MTUS2: variants seen among roughly 807,000 people sequenced by gnomAD.
The protein encoded by MTUS2 is microtubule associated scaffold protein 2.
Under a neutral mutation model 114.1 loss-of-function variants are expected in MTUS2, and 40 were observed. That is an observed-to-expected ratio of 0.35 (90% CI 0.27 to 0.46). The LOEUF (loss-of-function observed/expected upper bound fraction) is 0.46, where lower values mean the gene tolerates loss of function less well. Ranked by LOEUF, MTUS2 falls within the 20% of genes least tolerant of loss-of-function variation. The pLI, the probability that MTUS2 is intolerant of heterozygous loss-of-function variation, is 1.00. For missense variants in MTUS2, 1,679 were observed against 1,705.4 expected (o/e 0.98, Z 0.27); for synonymous variants, 688 against 672.0 (o/e 1.02, Z -0.37).
At chr13:28,992,152 C>T (rs1293131753) in intron 2 of MTUS2, among the ~76,000 whole-genome samples, 4 of 152,168 alleles carry the variant, frequency 2.6e-5, no homozygotes, top group African/African-American at 4.8e-5. Flanking sequence ...CTTTTTTTCC[C>T]CTCCATGGGC....
chr13:28,855,152 T>C (rs551189426), intron 2 of MTUS2, among the ~76,000 whole-genome samples: 1 of 152,350 alleles, frequency 6.6e-6, no homozygotes, highest in East Asian at 1.9e-4. Context: ...TTTTTATTGA[T>C]ATGCCGATAC....
At chr13:29,383,520 A>G (rs560188565) in intron 8 of MTUS2, among the ~76,000 whole-genome samples, 64 of 152,238 alleles carry the variant, frequency 4.2e-4, no homozygotes, top group African/African-American at 1.4e-3. Context: ...CTCTTTTCAA[A>G]TTTTGTTTCA....
chr13:29,375,271 C>T (rs67202568), intron 8 of MTUS2, among the ~76,000 whole-genome samples: 13,697 of 57,510 alleles, frequency 0.24, 1,414 homozygotes, highest in South Asian at 0.3. Flanking sequence ...ACATAACAGA[C>T]AATTTAAAAA....
chr13:29,011,207 A>G (rs912136200), intron 2 of MTUS2, among the ~76,000 whole-genome samples: 5 of 152,206 alleles, frequency 3.3e-5, no homozygotes, highest in Admixed American at 1.3e-4. Context: ...AGCGATTTTT[A>G]TATATTTAAA....
chr13:29,232,657 A>G (rs184439092), intron 5 of MTUS2, among the ~76,000 whole-genome samples: 5 of 152,326 alleles, frequency 3.3e-5, no homozygotes, highest in East Asian at 3.9e-4. Flanking sequence ...GGGTAGTTCT[A>G]TCTACCTTTT....
chr13:28,829,713 T>C (rs1173628599), intron 1 of MTUS2, among the ~76,000 whole-genome samples: 3 of 152,156 alleles, frequency 2.0e-5, no homozygotes, highest in Admixed American at 2.0e-4. Flanking sequence ...TGGAAAACAA[T>C]CAGCAGTAAT....
chr13:29,158,358 C>CCCCTTTT, intron 5 of MTUS2, among the ~76,000 whole-genome samples: 2 of 32,048 alleles, frequency 6.2e-5, no homozygotes, highest in Non-Finnish European at 1.0e-4. Context: ...GTCCACCCCG[C>CCCCTTTT]TTTTTTTTTT....
intron 4 of MTUS2, among the ~76,000 whole-genome samples, chr13:29,091,352 G>A (rs151180541): frequency 6.6e-6 from 1 of 152,110 alleles, no homozygotes; most frequent in African/African-American, 2.4e-5. Context: ...GGTGCCATGG[G>A]TGTTTTTCTC....
chr13:29,085,557 G>T (rs917804479), intron 4 of MTUS2, among the ~76,000 whole-genome samples: 1 of 152,168 alleles, frequency 6.6e-6, no homozygotes, highest in Non-Finnish European at 1.5e-5. Context: ...CTGTCCCTGT[G>T]TTAATTTGCT....
chr13:28,820,076 C>G (rs1413687916), upstream of MTUS2, among the ~76,000 whole-genome samples: 8 of 147,076 alleles, frequency 5.4e-5, no homozygotes, highest in Non-Finnish European at 1.1e-4. Flanking sequence ...ACCTCGCGGG[C>G]GAGGCGCGCC....
chr13:28,924,165 G>T lies in MTUS2; in HGVS notation c.-243+84315G>T, dbSNP rs191627634. On this transcript the variant is annotated intron_variant, in intron 2 of 15. Coordinates refer to ENST00000612955, the MANE Select transcript of MTUS2 (RefSeq NM_001033602.4). ...GTTGCTTTCTGCTTTTGGGAGGGGG[G>T]TCCTAAGCCACCGTGCTGCTTATAC... Among the ~76,000 whole-genome samples the T allele has an allele frequency of 9.9e-5, 15 of 152,178 alleles. No homozygotes were observed. In the East Asian group the frequency reaches 2.5e-3, roughly 26 times the overall value.
intron 6 of MTUS2, among the ~76,000 whole-genome samples, chr13:29,308,052 T>C (rs575950313): frequency 1.3e-5 from 2 of 152,256 alleles, no homozygotes; most frequent in East Asian, 3.9e-4. Flanking sequence ...AAACTACCAT[T>C]GACATTCTTC....
chr13:28,900,009 T>G (rs1030464922), intron 2 of MTUS2, among the ~76,000 whole-genome samples: 1 of 152,056 alleles, frequency 6.6e-6, no homozygotes, highest in African/African-American at 2.4e-5. Context: ...TGCCTCAGCC[T>G]CCCAAGTAGC....
chr13:29,111,712 G>A (rs1055401794), intron 5 of MTUS2, among the ~76,000 whole-genome samples: 1 of 151,948 alleles, frequency 6.6e-6, no homozygotes, highest in Non-Finnish European at 1.5e-5. Flanking sequence ...GGGAAGGTTC[G>A]CAAAAACCCT....
At chr13:28,961,767 G>A (rs1883338693) in intron 2 of MTUS2, among the ~76,000 whole-genome samples, 1 of 151,990 alleles carries the variant, frequency 6.6e-6, no homozygotes, top group African/African-American at 2.4e-5. Flanking sequence ...TTCAACTTTG[G>A]ATCATGTGAG....
chr13:28,960,157 A>C (rs557237371), intron 2 of MTUS2, among the ~76,000 whole-genome samples: 4 of 152,360 alleles, frequency 2.6e-5, no homozygotes, highest in African/African-American at 9.6e-5. Flanking sequence ...CATTAGGAAA[A>C]TGCAAATCAA....
At chr13:28,882,474 CA>C (rs1181555144) in intron 2 of MTUS2, among the ~76,000 whole-genome samples, 1 of 152,142 alleles carries the variant, frequency 6.6e-6, no homozygotes, top group African/African-American at 2.4e-5. Context: ...CAATGGCTCA[CA>C]CCTGTAATCC....
At chr13:29,347,616 G>C (rs73168291) in intron 7 of MTUS2, among the ~76,000 whole-genome samples, 3,211 of 151,858 alleles carry the variant, frequency 0.021, 59 homozygotes, top group Non-Finnish European at 0.029. Context: ...CCACTTCTCT[G>C]TGGACGCCAC....
chr13:29,249,162 A>T (rs1035539108), intron 5 of MTUS2, among the ~76,000 whole-genome samples: 35 of 151,450 alleles, frequency 2.3e-4, no homozygotes, highest in Non-Finnish European at 5.0e-4. Flanking sequence ...TAATTTTTGC[A>T]TTTTTTTTAG....
Sources: allele counts gnomAD v4.1 joint callset (sites outside exome capture counted in the v4.1 genomes callset), GRCh38; gene constraint gnomAD v4.1.1; transcripts MANE v1.5; gene names NCBI Gene and HGNC (gene_info 2026-07-23, HGNC 2026-07-21).